The following CAMKK1 variants were observed in gnomAD, a reference collection of about 807,000 sequenced individuals.
CAMKK1 encodes calcium/calmodulin dependent protein kinase kinase 1.
In CAMKK1, 20 loss-of-function variants were observed where a neutral mutation model predicts 63.5. The observed-to-expected ratio is 0.32, with a 90% CI of 0.22 to 0.46. The LOEUF (loss-of-function observed/expected upper bound fraction) is 0.46. Ranked by LOEUF, CAMKK1 falls within the 20% of genes least tolerant of loss-of-function variation. CAMKK1 has a pLI of 1.00. For missense variants in CAMKK1, 588 were observed against 658.1 expected (o/e 0.89, Z 1.17); for synonymous variants, 253 against 269.0 (o/e 0.94, Z 0.58).
intron 7 of CAMKK1, 139 bp from the exon 8 acceptor site, chr17:3,881,787 G>A: frequency 1.4e-6 from 1 of 730,312 alleles, no homozygotes; most frequent in Non-Finnish European, 2.4e-6. Flanking sequence ...GGGACCCTGG[G>A]ATATGAGAGC....
chr17:3,872,261 C>T (rs1211588707), intron 12 of CAMKK1, among the ~76,000 whole-genome samples: 1 of 152,194 alleles, frequency 6.6e-6, no homozygotes. Flanking sequence ...CTGGGTGGGG[C>T]TGGCGCCACT....
Position 3,861,157 on chromosome 17 carries a change from T to G in CAMKK1, c.*1054A>C, listed in dbSNP as rs1785229697. The G allele has an allele frequency of 6.6e-6, 1 of 152,416 alleles. No individual in the cohort carries two copies. Among genetic ancestry groups the G allele is most frequent in the South Asian group, 2.1e-4 (1 of 4,836 alleles). 9.4% of individuals were successfully genotyped at this position (152,416 alleles called of 1,614,324 possible). ...TTGCCGCAGAGGCCACCTGCCAGCG[T>G]GCACACCCCTCCAGGTTCTGTGTCT... On this transcript the variant is annotated 3_prime_UTR_variant, in exon 16 of 16. Transcript: ENST00000348335.
rs1370586731 is a variant in CAMKK1 at position 3,883,202 on chromosome 17, C to A, written c.515-27G>T. On this transcript the variant is annotated intron_variant, in intron 5 of 15. Transcript: ENST00000348335. The surrounding 1 kb of genome is among the most constrained non-coding windows in gnomAD (Gnocchi z 4.7). ...TGTGACCAGGAAGAGAACTCAAACA[C>A]CTGTTCCAGGTGGCTGGGCCTCACC... is the stretch of plus-strand genomic sequence containing the variant. 6.2e-7 allele frequency: 1 copy of A among 1,606,864 alleles called. No individual in the cohort carries two copies. Among genetic ancestry groups the A allele is most frequent in the African/African-American group, 1.3e-5 (1 of 74,882 alleles).
rs556167728 is a variant in CAMKK1, at chr17:3,889,591, G to T, written c.-44+3348C>A. Among the ~76,000 whole-genome samples the T allele has an allele frequency of 8.5e-5, 13 of 152,110 alleles. No homozygotes were observed. The highest frequency in any genetic ancestry group is 1.9e-4 in the Non-Finnish European group (13 of 68,014). On this transcript the variant is annotated intron_variant, in intron 1 of 15. Transcript: ENST00000348335. The surrounding 1 kb of genome is among the most constrained non-coding windows in gnomAD (Gnocchi z 5.2). ...GGAACAGAATGAGGTGTGGACACAGGAGTAGTTTGTGCCACAGCACTGTGG... is the reference window on the plus strand; with the variant it reads ...GGAACAGAATGAGGTGTGGACACAGTAGTAGTTTGTGCCACAGCACTGTGG...
intron 12 of CAMKK1, among the ~76,000 whole-genome samples, chr17:3,871,578 G>A (rs538046718): frequency 2.9e-4 from 42 of 146,982 alleles, no homozygotes; most frequent in South Asian, 6.4e-4. Context: ...GGATGGTCTC[G>A]ATCTCCTGAC....
rs1177938717 is a variant in CAMKK1 at position 3,892,698 on chromosome 17, C to A, written c.-44+241G>T. The stretch of plus-strand genomic sequence containing the variant: ...CAGAAGCGGGGAAGAACGCAGACGG[C>A]GGGGCACCCGCGGCGATGCGGTCCC... On this transcript the variant is annotated intron_variant, in intron 1 of 15. Transcript: ENST00000348335. This position sits in a 1 kb window ranked among gnomAD's most constrained non-coding sequence, Gnocchi z 7.5. 6.6e-6 allele frequency among the ~76,000 whole-genome samples: 1 copy of A among 152,152 alleles called. No individual in the cohort carries two copies. Among genetic ancestry groups the A allele is most frequent in the Non-Finnish European group, 1.5e-5 (1 of 68,014 alleles).
At chr17:3,888,461 C>T (rs1271719886) in intron 1 of CAMKK1, among the ~76,000 whole-genome samples, 2 of 152,202 alleles carry the variant, frequency 1.3e-5, no homozygotes, top group Non-Finnish European at 2.9e-5. Flanking sequence ...GCTGGGAGCC[C>T]GTGAGCAGGT....
In CAMKK1 at chr17:3,884,706, G is replaced by A. The variant is rs2055568560; in HGVS notation, c.361-279C>T. ...AAGGGAAAACGCTAATTCCTGTCTGGATTCTGGAGTCTGGAAGACCCTAAT... is the reference window on the plus strand; with the variant it reads ...AAGGGAAAACGCTAATTCCTGTCTGAATTCTGGAGTCTGGAAGACCCTAAT... On this transcript the variant is annotated intron_variant, in intron 2 of 15. Coordinates refer to ENST00000348335, the MANE Select transcript of CAMKK1 (RefSeq NM_032294.3). This position sits in a 1 kb window ranked among gnomAD's most constrained non-coding sequence, Gnocchi z 4.5. Among the ~76,000 whole-genome samples, 1 of 152,184 alleles carries A rather than the reference G, an allele frequency of 6.6e-6. No homozygotes were observed. The highest frequency in any genetic ancestry group is 2.4e-5 in the African/African-American group (1 of 41,446).
In CAMKK1 at chr17:3,885,544, G is replaced by A. The variant is rs1474129314; in HGVS notation, c.144C>T (p.Ala48=). The change falls in exon 2 of 16, where the codon GCC becomes GCT. Residue 48 remains alanine, a synonymous_variant. Coordinates refer to ENST00000348335, the MANE Select transcript of CAMKK1 (RefSeq NM_032294.3). The part of the protein sequence containing the change: ...TRNGVDPPPR[A]RAASVIPGST... ...TGCCAGGGATCACAGAGGCAGCTCTGGCCCGTGGTGGGGGGTCCACACCGT... is the reference window on the plus strand; with the variant it reads ...TGCCAGGGATCACAGAGGCAGCTCTAGCCCGTGGTGGGGGGTCCACACCGT... The A allele has an allele frequency of 1.2e-6, 2 of 1,614,006 alleles. No homozygotes were observed. Among genetic ancestry groups the A allele is most frequent in the South Asian group, 2.2e-5 (2 of 91,090 alleles).
chr17:3,869,564 C>T lies in CAMKK1; in HGVS notation c.1264G>A (p.Glu422Lys). 3 of 1,614,228 alleles carry T rather than the reference C, an allele frequency of 1.9e-6. No individual in the cohort carries two copies. Among genetic ancestry groups the T allele is most frequent in the Non-Finnish European group, 2.5e-6 (3 of 1,180,034 alleles). The change falls in exon 14 of 16, where the codon GAG becomes AAG. Residue 422 changes from glutamate to lysine, a missense_variant. By Grantham distance (56) the Glu-to-Lys change is moderately conservative (BLOSUM62 1). Around this residue, in one of 3 missense-constraint regions of CAMKK1, gnomAD observed 226 missense variants for 229.2 expected, o/e 0.99. Transcript: ENST00000348335. ...GTCACCTCCACCACGCTGCAGTGCT[C>T]CTCCTCCGAAGGAAGGGGCTCCTCC... ...NGEEPLPSEE[E>K]HCSVVEVTEE...
intron 14 of CAMKK1, among the ~76,000 whole-genome samples, chr17:3,868,709 A>G (rs1179812351): frequency 7.3e-5 from 11 of 150,912 alleles, no homozygotes; most frequent in South Asian, 4.2e-4. Flanking sequence ...CTGGAGTGCA[A>G]TGGCGTGATC....
rs552475927 is a variant in CAMKK1 at position 3,876,949 on chromosome 17, G to A, written c.797-527C>T. 6.6e-5 allele frequency among the ~76,000 whole-genome samples: 10 copies of A among 151,988 alleles called. No homozygotes were observed. In the East Asian group the frequency reaches 1.9e-3, roughly 29 times the overall value. ...CTTTTTGTATTTTTAGTAGAGACAG[G>A]GTTTCGCCATGTTGGTCAGGCTGGT... On this transcript the variant is annotated intron_variant, in intron 9 of 15. Coordinates refer to ENST00000348335, the MANE Select transcript of CAMKK1 (RefSeq NM_032294.3).
In CAMKK1 at chr17:3,884,555, C is replaced by A; in HGVS notation, c.361-128G>T. On this transcript the variant is annotated intron_variant, in intron 2 of 15. Transcript: ENST00000348335. This position sits in a 1 kb window ranked among gnomAD's most constrained non-coding sequence, Gnocchi z 4.5. ...TCCCGGACCCCCAGGTCTCACCAAG[C>A]TTTTGAGTTTGGATGGGGAAGTTGG... 2 of 812,026 alleles carry A rather than the reference C, an allele frequency of 2.5e-6. No homozygotes were observed. The highest frequency in any genetic ancestry group is 2.8e-5 in the Admixed American group (1 of 36,034). 50.3% of individuals were successfully genotyped at this position (812,026 alleles called of 1,614,324 possible).
intron 12 of CAMKK1, among the ~76,000 whole-genome samples, chr17:3,870,466 T>C (rs7223072): frequency 0.14 from 20,755 of 151,690 alleles, 2,281 homozygotes; most frequent in African/African-American, 0.3. Flanking sequence ...CCCAGGTTCA[T>C]GCCATTCTCC....
In CAMKK1 at chr17:3,876,268, C is replaced by T; in HGVS notation, c.951G>A (p.Met317Ile). The T allele has an allele frequency of 6.2e-7, 1 of 1,614,226 alleles. No individual in the cohort carries two copies. Among genetic ancestry groups the T allele is most frequent in the South Asian group, 1.1e-5 (1 of 91,084 alleles). Residue 317 changes from methionine to isoleucine, a missense_variant, in exon 10 of 16, where the codon ATG becomes ATA. By Grantham distance (10) the Met-to-Ile change is conservative. Around this residue, in one of 3 missense-constraint regions of CAMKK1, gnomAD observed 5 missense variants for 21.5 expected, o/e 0.23. Transcript: ENST00000348335. The stretch of plus-strand genomic sequence containing the variant: ...CGGAATCAGAAATGGCCTCGGGGGC[C>T]ATGAATGCTGGGGTTCCCGCCGTGC... ...LSSTAGTPAF[M>I]APEAISDSGQ... is the part of the protein sequence containing the mutation.
At position 3,882,203 on chromosome 17, in the gene CAMKK1, G is replaced by A; in HGVS notation, c.685+325C>T. Reference sequence around the variant, plus strand: ...TCCCTGTTTTATAGGTGGGAAAACTGAGGCACAGAGCTACAGTGTCTGGGA... The same window carrying A: ...TCCCTGTTTTATAGGTGGGAAAACTAAGGCACAGAGCTACAGTGTCTGGGA... On this transcript the variant is annotated intron_variant, in intron 7 of 15. Transcript: ENST00000348335. This position sits in a 1 kb window ranked among gnomAD's most constrained non-coding sequence, Gnocchi z 4.3. The A allele has an allele frequency of 7.7e-7, 1 of 1,295,290 alleles. No individual in the cohort carries two copies. The highest frequency in any genetic ancestry group is 1.1e-6 in the Non-Finnish European group (1 of 917,124). 80.2% of individuals were successfully genotyped at this position (1,295,290 alleles called of 1,614,324 possible).
chr17:3,877,478 C>A (rs1322278969), intron 9 of CAMKK1, among the ~76,000 whole-genome samples: 1 of 152,130 alleles, frequency 6.6e-6, no homozygotes, highest in African/African-American at 2.4e-5. Context: ...GAGACAATGA[C>A]CCCACTGACC....
At chr17:3,872,684 G>A (rs1597459392) in intron 11 of CAMKK1, 57 bp from the exon 12 acceptor site, 2 of 1,478,292 alleles carry the variant, frequency 1.4e-6, no homozygotes, top group East Asian at 2.2e-5. Flanking sequence ...CCTGTGCCAG[G>A]GGATCAACCC....
At chr17:3,871,419 G>GTGTGA (rs1467049543) in intron 12 of CAMKK1, among the ~76,000 whole-genome samples, 2 of 137,758 alleles carry the variant, frequency 1.5e-5, no homozygotes, top group Non-Finnish European at 3.0e-5. Flanking sequence ...CAGTAGCACG[G>GTGTGA]TCTCAGCTCA....
Sources: gnomAD v4.1 joint callset for allele counts (sites outside exome capture counted in the v4.1 genomes callset) on GRCh38, gnomAD v4.1.1 for gene constraint, gnomAD v4.1.1 regional missense constraint, Gnocchi (gnomAD v3.1) non-coding constraint, MANE v1.5 for transcripts, NCBI Gene and HGNC (gene_info 2026-07-23, HGNC 2026-07-21) for gene names.